Variants in CYLD observed in about 807,000 individuals in gnomAD.
CYLD encodes the protein ubiquitin carboxyl-terminal hydrolase CYLD.
A neutral mutation model predicts 104.5 loss-of-function variants in CYLD; 26 were observed. The ratio of observed to expected loss-of-function variants is 0.25; its 90% CI spans 0.18 to 0.35. The LOEUF (loss-of-function observed/expected upper bound fraction) is 0.35, where lower values mean the gene tolerates loss of function less well. CYLD is among the 10% of genes least tolerant of loss of function. The probability of loss-of-function intolerance (pLI) is 1.00; values close to 1 mark genes in which losing one functional copy is unlikely to be tolerated. For missense variants in CYLD, 703 were observed against 1,136.1 expected (o/e 0.62, Z 5.48); for synonymous variants, 385 against 399.9 (o/e 0.96, Z 0.45).
Position 50,792,845 on chromosome 16 carries a change from A to G in CYLD, c.2350+140A>G, listed in dbSNP as rs775367633. 6 of 580,930 alleles carry G rather than the reference A, an allele frequency of 1.0e-5. No homozygotes were observed. In the African/African-American group the frequency reaches 1.1e-4, roughly 11 times the overall value. 36.0% of individuals were successfully genotyped at this position (580,930 alleles called of 1,614,324 possible). A position where few individuals can be genotyped will look rare whatever the true frequency, so the allele number is the denominator to read the frequency against. On this transcript the variant is annotated intron_variant, in intron 16 of 18. Coordinates refer to ENST00000427738, the MANE Select transcript of CYLD (RefSeq NM_001378743.1). The stretch of plus-strand genomic sequence containing the variant: ...TATCTGAAGAGCCTGGAAATATGAA[A>G]CCAGTCATTTTATTTCTAGGAATTT...
In CYLD at chr16:50,800,517, T is replaced by C. The variant is rs1972383518; in HGVS notation, c.*4009T>C. The C allele has an allele frequency of 4.3e-6, 1 of 233,094 alleles. No individual in the cohort carries two copies. Among genetic ancestry groups the C allele is most frequent in the Admixed American group, 5.6e-5 (1 of 17,782 alleles). The allele number at this position is 233,094 out of a possible 1,614,324, so 14.4% of individuals were successfully genotyped here. ...TTGTTTCCTAGAGGTGTTAGTAGTC[T>C]TTAAATACAAGTAAGACTTAAGAGG... On this transcript the variant is annotated 3_prime_UTR_variant, in exon 19 of 19. Transcript: ENST00000427738.
rs1044861064 is a variant in CYLD, at chr16:50,793,439, A to G, written c.2351-107A>G. The stretch of plus-strand genomic sequence containing the variant: ...AAGAGAAAGAGACTTTTTTGAAGCC[A>G]TGAACATTGTCCTTTTTAAAGCCTA... On this transcript the variant is annotated intron_variant, in intron 16 of 18. Transcript: ENST00000427738. 45 of 825,060 alleles carry G rather than the reference A, an allele frequency of 5.5e-5. No homozygotes were observed. In the Admixed American group the frequency reaches 7.1e-4, roughly 13 times the overall value. The allele number at this position is 825,060 out of a possible 1,614,324, so 51.1% of individuals were successfully genotyped here.
rs1966459894 is a variant in CYLD at position 50,749,627 on chromosome 16, C to G, written c.-72C>G. The G allele has an allele frequency of 1.1e-5, 16 of 1,499,216 alleles. No homozygotes were observed. In the Admixed American group the frequency reaches 2.4e-4, roughly 22 times the overall value. The allele number at this position is 1,499,216 out of a possible 1,614,324, so 92.9% of individuals were successfully genotyped here. A position where few individuals can be genotyped will look rare whatever the true frequency, so the allele number is the denominator to read the frequency against. On this transcript the variant is annotated 5_prime_UTR_variant, in exon 3 of 19. In the 5' UTR this introduces an upstream ATG that the reference lacks. Coordinates refer to ENST00000427738, the MANE Select transcript of CYLD (RefSeq NM_001378743.1). ...GCTTTGGGACTGCCACTGAATTTAT[C>G]TTTTGCGGTTTTATGACAAAGTTAT... is the stretch of plus-strand genomic sequence containing the variant.
In CYLD at chr16:50,761,775, T is replaced by TATCTATCTATCTATCA. The variant is rs1348271485; in HGVS notation, c.913+7353_913+7354insCTATCTATCTATCAAT. 1.9e-3 allele frequency among the ~76,000 whole-genome samples: 284 copies of TATCTATCTATCTATCA among 152,262 alleles called. 3 individuals carry two copies. Among genetic ancestry groups the TATCTATCTATCTATCA allele is most frequent in the African/African-American group, 6.7e-3 (278 of 41,534 alleles). Reference sequence around the variant, plus strand: ...CTATCTATCTATCTATCTATCTATCTATATCTTTGACCCATTTCTGTTTTA... The same window carrying TATCTATCTATCTATCA: ...CTATCTATCTATCTATCTATCTATCTATCTATCTATCTATCAATATCTTTGACCCATTTCTGTTTTA... On this transcript the variant is annotated intron_variant, in intron 5 of 18. Transcript: ENST00000427738.
chr16:50,752,604 C>T (rs1966720194), intron 4 of CYLD, among the ~76,000 whole-genome samples: 1 of 152,188 alleles, frequency 6.6e-6, no homozygotes, highest in Non-Finnish European at 1.5e-5. Flanking sequence ...TGTACTGTCA[C>T]CTGTTCATCT....
intron 9 of CYLD, among the ~76,000 whole-genome samples, chr16:50,781,041 A>G (rs574191382): frequency 4.6e-5 from 7 of 152,290 alleles, no homozygotes; most frequent in African/African-American, 1.7e-4. Flanking sequence ...TTCATGCTGG[A>G]TTAAGGAAGT....
chr16:50,761,768 A>ATCTATCTATCTATCTATCTG (rs1967964174), intron 5 of CYLD, among the ~76,000 whole-genome samples: 1 of 151,906 alleles, frequency 6.6e-6, no homozygotes, highest in Admixed American at 6.6e-5. Context: ...CTATCTATCT[A>ATCTATCTATCTATCTATCTG]TCTATCTATA....
intron 5 of CYLD, among the ~76,000 whole-genome samples, chr16:50,756,546 G>C (rs1967261793): frequency 6.6e-6 from 1 of 152,148 alleles, no homozygotes; most frequent in Admixed American, 6.5e-5. Flanking sequence ...TCAGGTAATT[G>C]ACAATTTCTG....
At chr16:50,784,746 T>C in intron 12 of CYLD, 1 of 315,286 alleles carries the variant, frequency 3.2e-6, no homozygotes, top group Non-Finnish European at 6.1e-6. Context: ...TAATACATAA[T>C]ACTTAGGATT....
chr16:50,789,765 A>G (rs750546933), intron 14 of CYLD, among the ~76,000 whole-genome samples: 4 of 152,240 alleles, frequency 2.6e-5, no homozygotes, highest in Non-Finnish European at 5.9e-5. Flanking sequence ...ATAGTCTAAA[A>G]GAGACTATAA....
At chr16:50,756,155 A>G (rs143994708) in intron 5 of CYLD, among the ~76,000 whole-genome samples, 1,554 of 152,328 alleles carry the variant, frequency 0.01, 14 homozygotes, top group Middle Eastern at 0.017. Context: ...AATAATTAAG[A>G]TTTTTGTTTC....
intron 7 of CYLD, among the ~76,000 whole-genome samples, chr16:50,777,393 A>G (rs1218289481): frequency 1.3e-5 from 2 of 152,176 alleles, no homozygotes; most frequent in Non-Finnish European, 2.9e-5. Context: ...TTTAAATGTA[A>G]TTTGTGTATT....
intron 12 of CYLD, 138 bp from the exon 13 acceptor site, chr16:50,786,717 G>T: frequency 1.5e-6 from 1 of 650,146 alleles, no homozygotes; most frequent in Admixed American, 2.8e-5. Flanking sequence ...CTGAGATCGG[G>T]CCACTGCACA....
In CYLD at chr16:50,794,099, T is replaced by C; in HGVS notation, c.2470-113T>C. The C allele has an allele frequency of 1.0e-6, 1 of 991,468 alleles. No individual in the cohort carries two copies. The highest frequency in any genetic ancestry group is 1.9e-5 in the Admixed American group (1 of 53,550). 61.4% of individuals were successfully genotyped at this position (991,468 alleles called of 1,614,324 possible). A position where few individuals can be genotyped will look rare whatever the true frequency, so the allele number is the denominator to read the frequency against. The stretch of plus-strand genomic sequence containing the variant: ...CCTGCCACCACGCCCAGCTAATTTT[T>C]GTATTTTTAACAGAGACAGGGTTTC... On this transcript the variant is annotated intron_variant, in intron 17 of 18. Transcript: ENST00000427738. This position sits in a 1 kb window ranked among gnomAD's most constrained non-coding sequence, Gnocchi z 4.1.
At chr16:50,745,531 A>G (rs1255842771) in intron 2 of CYLD, among the ~76,000 whole-genome samples, 5 of 149,562 alleles carry the variant, frequency 3.3e-5, no homozygotes, top group African/African-American at 1.2e-4. Context: ...GGCAGACACC[A>G]CCACACCCGG....
chr16:50,772,897 C>A (rs1969302874), intron 5 of CYLD, among the ~76,000 whole-genome samples: 1 of 152,176 alleles, frequency 6.6e-6, no homozygotes, highest in Non-Finnish European at 1.5e-5. Flanking sequence ...CAGCATGCAA[C>A]TTTTGGTGTT....
At position 50,798,721 on chromosome 16, in the gene CYLD, TGAA is replaced by T. The variant is rs1351703715; in HGVS notation, c.*2219_*2221del. On this transcript the variant is annotated 3_prime_UTR_variant, in exon 19 of 19. Transcript: ENST00000427738. ...ACCCAGGCTGTCATGGTAGAGAACT[TGAA>T]GAAGACCTGTTTGGATGGACACCTG... 1 of 233,296 alleles carries T rather than the reference TGAA, an allele frequency of 4.3e-6. No individual in the cohort carries two copies. The allele number at this position is 233,296 out of a possible 1,614,324, so 14.5% of individuals were successfully genotyped here.
chr16:50,795,486 G>A (rs1597096927), intron 18 of CYLD: 13 of 700,964 alleles, frequency 1.9e-5, no homozygotes, highest in Non-Finnish European at 2.3e-5. Context: ...GACCAGGCCT[G>A]GGCAAGGTTG....
At chr16:50,760,983 A>T (rs916588190) in intron 5 of CYLD, among the ~76,000 whole-genome samples, 1 of 152,220 alleles carries the variant, frequency 6.6e-6, no homozygotes, top group African/African-American at 2.4e-5. Context: ...CTGATAGATA[A>T]AAAATATATT....
Sources: allele counts gnomAD v4.1 joint callset (sites outside exome capture counted in the v4.1 genomes callset), GRCh38; gene constraint gnomAD v4.1.1; non-coding constraint Gnocchi (gnomAD v3.1); transcripts MANE v1.5; gene names NCBI Gene and HGNC (gene_info 2026-07-23, HGNC 2026-07-21).